The following SMYD3 variants were observed in gnomAD, a reference collection of about 807,000 sequenced individuals.
SMYD3 encodes the protein SET and MYND domain containing 3.
A neutral mutation model predicts 57.7 loss-of-function variants in SMYD3; 36 were observed. The ratio of observed to expected loss-of-function variants is 0.62; its 90% CI spans 0.48 to 0.82. The LOEUF is 0.82. Among genes scored for constraint, SMYD3 ranks in the 40% least tolerant of loss-of-function variants. SMYD3 has a pLI of 0.00. For synonymous variants in SMYD3, 211 were observed against 195.0 expected, an observed-to-expected ratio of 1.08 and a Z score of -0.68; for missense variants, 515 against 538.8, an observed-to-expected ratio of 0.96 and a Z score of 0.44.
intron 5 of SMYD3, among the ~76,000 whole-genome samples, chr1:246,073,778 T>G (rs1185890665): frequency 2.0e-5 from 3 of 152,148 alleles, no homozygotes; most frequent in African/African-American, 7.2e-5. Flanking sequence ...TTTCAACATT[T>G]GGAATTATGG....
chr1:245,762,687 G>A (rs968476419), intron 11 of SMYD3, among the ~76,000 whole-genome samples: 1 of 152,210 alleles, frequency 6.6e-6, no homozygotes, highest in African/African-American at 2.4e-5. Flanking sequence ...ATCAAGTAAA[G>A]GCGCTATGGC....
intron 5 of SMYD3, among the ~76,000 whole-genome samples, chr1:246,206,772 T>G (rs1341978135): frequency 6.6e-6 from 1 of 152,202 alleles, no homozygotes; most frequent in African/African-American, 2.4e-5. Flanking sequence ...AATGCTTTAA[T>G]AAAGCTCTGA....
chr1:246,061,412 A>G (rs1384508016), intron 5 of SMYD3, among the ~76,000 whole-genome samples: 1 of 151,922 alleles, frequency 6.6e-6, no homozygotes, highest in African/African-American at 2.4e-5. Context: ...ATCAAGTCCA[A>G]TAAAATGGTA....
At chr1:246,060,285 C>CA (rs1172401554) in intron 5 of SMYD3, among the ~76,000 whole-genome samples, 2 of 150,068 alleles carry the variant, frequency 1.3e-5, no homozygotes, top group Admixed American at 6.6e-5. Context: ...GAGACTGTCT[C>CA]AAAAAATAAA....
chr1:245,920,358 G>C (rs1424853378), intron 7 of SMYD3, among the ~76,000 whole-genome samples: 2 of 146,224 alleles, frequency 1.4e-5, no homozygotes, highest in Non-Finnish European at 3.0e-5. Flanking sequence ...GTTAAAATTA[G>C]ACCTTGTTTC....
chr1:246,148,257 T>C (rs1186613507), intron 5 of SMYD3, among the ~76,000 whole-genome samples: 1 of 152,026 alleles, frequency 6.6e-6, no homozygotes, highest in Non-Finnish European at 1.5e-5. Flanking sequence ...GTGGAGACAA[T>C]GGGCGAACCA....
intron 1 of SMYD3, among the ~76,000 whole-genome samples, chr1:246,441,038 A>C (rs1269487435): frequency 6.6e-6 from 1 of 152,148 alleles, no homozygotes; most frequent in Non-Finnish European, 1.5e-5. Context: ...CATTACGTAG[A>C]AGTAAATTAT....
At chr1:246,089,658 T>A (rs1421366256) in intron 5 of SMYD3, among the ~76,000 whole-genome samples, 1 of 152,218 alleles carries the variant, frequency 6.6e-6, no homozygotes, top group Non-Finnish European at 1.5e-5. Context: ...ATATTTCTTT[T>A]GCACACCATG....
chr1:245,753,181 G>A (rs764472104), intron 11 of SMYD3, among the ~76,000 whole-genome samples: 9 of 151,432 alleles, frequency 5.9e-5, no homozygotes, highest in South Asian at 2.1e-4. Flanking sequence ...AGAGGATCTC[G>A]TCCATAGGGT....
At chr1:246,018,310 T>C (rs545619799) in intron 5 of SMYD3, among the ~76,000 whole-genome samples, 2 of 152,282 alleles carry the variant, frequency 1.3e-5, no homozygotes, top group East Asian at 3.9e-4. Context: ...TGCCCTCTCC[T>C]GCCCGGCTGC....
chr1:246,164,168 T>C lies in SMYD3; in HGVS notation c.531+163033A>G, dbSNP rs184850412. On this transcript the variant is annotated intron_variant, in intron 5 of 11. Coordinates refer to ENST00000490107, the MANE Select transcript of SMYD3 (RefSeq NM_001167740.2). ...TGAGAGAAAACGAGCTATATAAAAATAAGGCTTCTTGGGAGGCCAAGGCAG... is the reference window on the plus strand; with the variant it reads ...TGAGAGAAAACGAGCTATATAAAAACAAGGCTTCTTGGGAGGCCAAGGCAG... Among the ~76,000 whole-genome samples the C allele has an allele frequency of 5.0e-3, 758 of 152,238 alleles. 1 individual carries two copies. Among genetic ancestry groups the C allele is most frequent in the Non-Finnish European group, 8.5e-3 (581 of 68,002 alleles).
chr1:246,385,289 A>G (rs1016292100), intron 1 of SMYD3, among the ~76,000 whole-genome samples: 2 of 143,534 alleles, frequency 1.4e-5, no homozygotes, highest in Non-Finnish European at 3.2e-5. Flanking sequence ...TTTAAGTACT[A>G]GGAATAAATT....
intron 1 of SMYD3, among the ~76,000 whole-genome samples, chr1:246,430,107 C>G (rs1392766182): frequency 1.2e-4 from 17 of 138,662 alleles, no homozygotes; most frequent in Non-Finnish European, 2.6e-4. Flanking sequence ...ACTCCTGCCT[C>G]AAGGATATGA....
intron 1 of SMYD3, among the ~76,000 whole-genome samples, chr1:246,481,331 G>A (rs1331033117): frequency 6.6e-6 from 1 of 151,642 alleles, no homozygotes; most frequent in African/African-American, 2.4e-5. Context: ...AATAGCATTT[G>A]AATTGGTGAA....
chr1:245,870,368 G>A (rs1038680904), intron 8 of SMYD3, among the ~76,000 whole-genome samples: 14 of 152,066 alleles, frequency 9.2e-5, no homozygotes, highest in African/African-American at 2.9e-4. Flanking sequence ...GAAACCCCAC[G>A]CCGGCTCCGG....
At chr1:245,860,114 A>G (rs928456983) in intron 9 of SMYD3, among the ~76,000 whole-genome samples, 1 of 150,932 alleles carries the variant, frequency 6.6e-6, no homozygotes, top group African/African-American at 2.4e-5. Context: ...GGGCTTAAAG[A>G]AAGTGGTTCA....
intron 5 of SMYD3, among the ~76,000 whole-genome samples, chr1:246,058,765 T>C (rs35148287): frequency 0.062 from 9,515 of 152,244 alleles, 345 homozygotes; most frequent in African/African-American, 0.069. Flanking sequence ...ATAAAAATTG[T>C]TGGAAATTTT....
intron 10 of SMYD3, among the ~76,000 whole-genome samples, chr1:245,812,831 G>A (rs556400994): frequency 4.0e-5 from 6 of 151,798 alleles, no homozygotes; most frequent in African/African-American, 1.5e-4. Flanking sequence ...CATTTATCAG[G>A]ATATAGTCAT....
chr1:246,421,493 C>A (rs1180724075), intron 1 of SMYD3, among the ~76,000 whole-genome samples: 1 of 151,884 alleles, frequency 6.6e-6, no homozygotes, highest in Non-Finnish European at 1.5e-5. Flanking sequence ...ACAAGATGAC[C>A]TTAAAATGAA....
Sources: gnomAD v4.1 joint callset for allele counts (sites outside exome capture counted in the v4.1 genomes callset) on GRCh38, gnomAD v4.1.1 for gene constraint, MANE v1.5 for transcripts, NCBI Gene and HGNC (gene_info 2026-07-23, HGNC 2026-07-21) for gene names.